GABPA: variants seen among roughly 807,000 people sequenced by gnomAD.
GABPA encodes the protein GA binding protein transcription factor subunit alpha.
GABPA carries 4 observed loss-of-function variants against 59.4 expected under a neutral mutation model. The observed-to-expected ratio is 0.07, with a 90% CI of 0.03 to 0.15. The LOEUF (loss-of-function observed/expected upper bound fraction) is 0.15, where lower values mean the gene tolerates loss of function less well. GABPA is among the 10% of genes least tolerant of loss of function. The pLI, the probability that GABPA is intolerant of heterozygous loss-of-function variation, is 1.00. For synonymous variants in GABPA, 164 were observed against 183.1 expected (o/e 0.90, Z 0.84); for missense variants, 251 against 543.8 (o/e 0.46, Z 5.36).
intron 1 of GABPA, among the ~76,000 whole-genome samples, chr21:25,736,255 A>C (rs538645160): frequency 1.3e-5 from 2 of 152,312 alleles, no homozygotes; most frequent in East Asian, 3.9e-4. Context: ...TTGCATTGCA[A>C]GATGATTAGA....
chr21:25,740,227 T>C (rs1353422994), intron 1 of GABPA, among the ~76,000 whole-genome samples: 1 of 152,246 alleles, frequency 6.6e-6, no homozygotes, highest in African/African-American at 2.4e-5. Flanking sequence ...GATTGCTCTA[T>C]GCAAAGCATT....
rs1406578071 is a variant in GABPA, at chr21:25,771,818, A to G, written c.*2586A>G. ...TGAAGTTTTTATTGAGCCAACTTTCATACATATCTTGCTAGCCTAAAGTCT... is the reference window on the plus strand; with the variant it reads ...TGAAGTTTTTATTGAGCCAACTTTCGTACATATCTTGCTAGCCTAAAGTCT... On this transcript the variant is annotated 3_prime_UTR_variant, in exon 10 of 10. Coordinates refer to ENST00000400075, the MANE Select transcript of GABPA (RefSeq NM_002040.4). 1 of 152,088 alleles carries G rather than the reference A, an allele frequency of 6.6e-6. No homozygotes were observed. The highest frequency in any genetic ancestry group is 1.5e-5 in the Non-Finnish European group (1 of 67,898). 9.4% of individuals were successfully genotyped at this position (152,088 alleles called of 1,614,324 possible).
chr21:25,744,430 T>C (rs905138166), intron 2 of GABPA, among the ~76,000 whole-genome samples: 2 of 152,220 alleles, frequency 1.3e-5, no homozygotes, highest in Non-Finnish European at 2.9e-5. Context: ...TGTGAAAACT[T>C]GACAGATTTT....
At chr21:25,762,789 TAC>T (rs1210742317) in intron 7 of GABPA, 3 of 189,092 alleles carry the variant, frequency 1.6e-5, no homozygotes, top group African/African-American at 2.4e-5. Flanking sequence ...CTTGAGGAGT[TAC>T]AATGGGTTTG....
Position 25,769,971 on chromosome 21 carries a change from G to A in GABPA, c.*739G>A, listed in dbSNP as rs2035976983. The A allele has an allele frequency of 6.6e-6, 1 of 152,510 alleles. No homozygotes were observed. The highest frequency in any genetic ancestry group is 6.6e-5 in the Admixed American group (1 of 15,264). 9.4% of individuals were successfully genotyped at this position (152,510 alleles called of 1,614,324 possible). Reference sequence around the variant, plus strand: ...GGCATTTAATTCTAATAAACCAGCTGTTATAAAAATTATAAAATGATCTCT... The same window carrying A: ...GGCATTTAATTCTAATAAACCAGCTATTATAAAAATTATAAAATGATCTCT... On this transcript the variant is annotated 3_prime_UTR_variant, in exon 10 of 10. Coordinates refer to ENST00000400075, the MANE Select transcript of GABPA (RefSeq NM_002040.4).
chr21:25,735,427 G>C lies in GABPA; in HGVS notation c.-178G>C, dbSNP rs1258756806. ...AGGGGGGTTGGGGCTTCTCAGCGCC[G>C]ATTCCGCGGGAAGGGCCCTGGGACC... On this transcript the variant is annotated 5_prime_UTR_variant, in exon 1 of 10. Transcript: ENST00000400075. 5.9e-6 allele frequency: 1 copy of C among 169,716 alleles called. No homozygotes were observed. Among genetic ancestry groups the C allele is most frequent in the East Asian group, 1.7e-4 (1 of 5,778 alleles). 10.5% of individuals were successfully genotyped at this position (169,716 alleles called of 1,614,324 possible).
chr21:25,757,281 A>G (rs1302771419), intron 5 of GABPA, among the ~76,000 whole-genome samples: 1 of 152,216 alleles, frequency 6.6e-6, no homozygotes, highest in Non-Finnish European at 1.5e-5. Context: ...GCAATGTAAT[A>G]TTTATAGATA....
Position 25,750,143 on chromosome 21 carries a change from C to T in GABPA, c.307+1023C>T, listed in dbSNP as rs183901889. ...AGGCATTAAATTCTCATAAGGAACA[C>T]GCAACCTAGATACCTCGCATGTGCA... On this transcript the variant is annotated intron_variant, in intron 4 of 9. Transcript: ENST00000400075. 2.2e-4 allele frequency among the ~76,000 whole-genome samples: 34 copies of T among 152,308 alleles called. No individual in the cohort carries two copies. The East Asian group carries it at 4.3e-3, about 19-fold the overall frequency.
chr21:25,742,793 T>C (rs951688857), intron 2 of GABPA, among the ~76,000 whole-genome samples: 2 of 151,204 alleles, frequency 1.3e-5, no homozygotes, highest in Non-Finnish European at 2.9e-5. Context: ...CCTGGTGACA[T>C]GTGCCTAAGT....
chr21:25,771,414 CAG>C lies in GABPA; in HGVS notation c.*2186_*2187del, dbSNP rs2036007523. ...TTCATTTTATTTCTCATAATTTGAA[CAG>C]AGACAGTTCTCATACATGATCAGAT... On this transcript the variant is annotated 3_prime_UTR_variant, in exon 10 of 10. Transcript: ENST00000400075. The C allele has an allele frequency of 6.6e-6, 1 of 151,536 alleles. No homozygotes were observed. The highest frequency in any genetic ancestry group is 2.4e-5 in the African/African-American group (1 of 41,306). The allele number at this position is 151,536 out of a possible 1,614,324, so 9.4% of individuals were successfully genotyped here. A position where few individuals can be genotyped will look rare whatever the true frequency, so the allele number is the denominator to read the frequency against.
chr21:25,763,045 T>C lies in GABPA; in HGVS notation c.802+680T>C, dbSNP rs1226554519. Reference sequence around the variant, plus strand: ...ATTCTTTACCTTTGATTCATCTATATTGGGTACTGTACTTGCTAGAAGTAC... The same window carrying C: ...ATTCTTTACCTTTGATTCATCTATACTGGGTACTGTACTTGCTAGAAGTAC... On this transcript the variant is annotated intron_variant, in intron 7 of 9. Transcript: ENST00000400075. The C allele has an allele frequency of 2.4e-5, 9 of 376,114 alleles. No homozygotes were observed. The East Asian group carries it at 6.5e-4, about 27-fold the overall frequency. 23.3% of individuals were successfully genotyped at this position (376,114 alleles called of 1,614,324 possible). A position where few individuals can be genotyped will look rare whatever the true frequency, so the allele number is the denominator to read the frequency against.
At chr21:25,766,874 A>T (rs1161265330) in intron 9 of GABPA, among the ~76,000 whole-genome samples, 1 of 151,958 alleles carries the variant, frequency 6.6e-6, no homozygotes, top group African/African-American at 2.4e-5. Flanking sequence ...AAACAACCAG[A>T]TATCTATCAA....
At chr21:25,738,760 A>G (rs2035143257) in intron 1 of GABPA, among the ~76,000 whole-genome samples, 1 of 152,168 alleles carries the variant, frequency 6.6e-6, no homozygotes, top group Non-Finnish European at 1.5e-5. Flanking sequence ...GTGAACACAT[A>G]TTCTTGCCCT....
intron 2 of GABPA, 72 bp from the exon 3 acceptor site, chr21:25,745,138 T>C (rs2035329171): frequency 1.3e-6 from 2 of 1,530,482 alleles, no homozygotes; most frequent in Non-Finnish European, 1.8e-6. Context: ...GGGATTGTGT[T>C]TTTAGCATAT....
intron 2 of GABPA, among the ~76,000 whole-genome samples, chr21:25,742,303 G>T (rs1450882065): frequency 6.6e-6 from 1 of 152,134 alleles, no homozygotes; most frequent in African/African-American, 2.4e-5. Flanking sequence ...AGTAGTTAAT[G>T]GTCCCTATTG....
chr21:25,751,856 T>C (rs1421126599), intron 4 of GABPA, 133 bp from the exon 5 acceptor site: 1 of 856,032 alleles, frequency 1.2e-6, no homozygotes, highest in Non-Finnish European at 1.8e-6. Flanking sequence ...ATTCCCCAAA[T>C]GTTAACTTTT....
At chr21:25,756,335 C>T (rs900915621) in intron 5 of GABPA, among the ~76,000 whole-genome samples, 6 of 152,022 alleles carry the variant, frequency 3.9e-5, no homozygotes, top group Admixed American at 1.3e-4. Context: ...CTTTCTTTTT[C>T]AGTTCTTGTC....
intron 2 of GABPA, 67 bp downstream of exon 2, chr21:25,741,742 A>C: frequency 1.0e-6 from 1 of 993,976 alleles, no homozygotes; most frequent in South Asian, 1.5e-5. Context: ...CCAGGAAACA[A>C]GTCATAGTTC....
chr21:25,741,698 T>C, intron 2 of GABPA, 23 bp downstream of exon 2: 1 of 1,513,722 alleles, frequency 6.6e-7, no homozygotes, highest in Non-Finnish European at 9.1e-7. Flanking sequence ...GAATTTATCA[T>C]TTTTTTTCAA....
Sources: allele counts gnomAD v4.1 joint callset (sites outside exome capture counted in the v4.1 genomes callset), GRCh38; gene constraint gnomAD v4.1.1; transcripts MANE v1.5; gene names NCBI Gene and HGNC (gene_info 2026-07-23, HGNC 2026-07-21).